The following SLC6A11 variants were observed in gnomAD, a reference collection of about 807,000 sequenced individuals.
SLC6A11 encodes the protein sodium- and chloride-dependent GABA transporter 3.
A neutral mutation model predicts 74.8 loss-of-function variants in SLC6A11; 25 were observed. That is an observed-to-expected ratio of 0.33 (90% CI 0.24 to 0.47). The LOEUF is 0.47. Among genes scored for constraint, SLC6A11 ranks in the 20% least tolerant of loss-of-function variants. SLC6A11 has a pLI of 1.00. For synonymous variants in SLC6A11, 330 were observed against 330.2 expected (o/e 1.00, Z 0.01); for missense variants, 574 against 837.0 (o/e 0.69, Z 3.88).
At chr3:10,862,131 G>C (rs1051924198) in intron 5 of SLC6A11, among the ~76,000 whole-genome samples, 3 of 152,172 alleles carry the variant, frequency 2.0e-5, no homozygotes, top group Non-Finnish European at 4.4e-5. Flanking sequence ...GCACATCCTT[G>C]CCTGGGGAAC....
chr3:10,934,533 A>G (rs1695733451), intron 12 of SLC6A11, among the ~76,000 whole-genome samples: 1 of 152,220 alleles, frequency 6.6e-6, no homozygotes. Context: ...CAAGGGTGAC[A>G]CTGGGGTTCA....
intron 7 of SLC6A11, among the ~76,000 whole-genome samples, chr3:10,913,626 A>G (rs1430538850): frequency 1.3e-5 from 2 of 152,272 alleles, no homozygotes; most frequent in African/African-American, 4.8e-5. Context: ...TATCCACAAT[A>G]TATAAAGAAT....
chr3:10,889,633 G>T (rs1695084779), intron 6 of SLC6A11, among the ~76,000 whole-genome samples: 1 of 152,196 alleles, frequency 6.6e-6, no homozygotes, highest in Non-Finnish European at 1.5e-5. Flanking sequence ...TTGGGAGCTT[G>T]TCAGACATGC....
At chr3:10,902,516 G>A (rs1051705666) in intron 6 of SLC6A11, among the ~76,000 whole-genome samples, 4 of 152,154 alleles carry the variant, frequency 2.6e-5, no homozygotes, top group Non-Finnish European at 4.4e-5. Context: ...CAGATTAAAG[G>A]GATGGTACCA....
chr3:10,918,487 G>A lies in SLC6A11; in HGVS notation c.1120+34G>A, dbSNP rs1182195664. On this transcript the variant is annotated intron_variant, in intron 8 of 13. Coordinates refer to ENST00000254488, the MANE Select transcript of SLC6A11 (RefSeq NM_014229.3). This position sits in a 1 kb window ranked among gnomAD's most constrained non-coding sequence, Gnocchi z 4.5. ...GCCAAAGGTGGGGATGGAAAAGGCG[G>A]CAAGGGAGGCCAGGAGTGATGGTCA... 3.8e-6 allele frequency: 6 copies of A among 1,594,470 alleles called. No homozygotes were observed. Among genetic ancestry groups the A allele is most frequent in the Non-Finnish European group, 5.1e-6 (6 of 1,172,196 alleles).
At chr3:10,877,424 A>G (rs1694922131) in intron 6 of SLC6A11, among the ~76,000 whole-genome samples, 1 of 152,210 alleles carries the variant, frequency 6.6e-6, no homozygotes, top group African/African-American at 2.4e-5. Context: ...GCGGGTATGC[A>G]GACTGTGTTC....
At chr3:10,919,728 C>T (rs73812338) in intron 8 of SLC6A11, among the ~76,000 whole-genome samples, 2,767 of 152,328 alleles carry the variant, frequency 0.018, 81 homozygotes, top group African/African-American at 0.063. Flanking sequence ...AGCTCTCAAT[C>T]GCTGGGCACC....
intron 8 of SLC6A11, among the ~76,000 whole-genome samples, chr3:10,921,672 T>G (rs1057049487): frequency 3.9e-5 from 6 of 151,944 alleles, no homozygotes; most frequent in African/African-American, 1.5e-4. Flanking sequence ...CCAGATACAC[T>G]AATTAAAAGG....
At chr3:10,894,716 G>A (rs1218741385) in intron 6 of SLC6A11, among the ~76,000 whole-genome samples, 3 of 152,264 alleles carry the variant, frequency 2.0e-5, no homozygotes, top group Admixed American at 6.5e-5. Context: ...CACGTCTATC[G>A]TACAGCATGG....
chr3:10,898,390 G>A (rs1402729223), intron 6 of SLC6A11, among the ~76,000 whole-genome samples: 1 of 152,140 alleles, frequency 6.6e-6, no homozygotes, highest in East Asian at 1.9e-4. Context: ...TTTATGCTCT[G>A]CTTCCCTTAC....
intron 4 of SLC6A11, among the ~76,000 whole-genome samples, chr3:10,839,086 T>A (rs1694404902): frequency 6.6e-6 from 1 of 152,164 alleles, no homozygotes. Flanking sequence ...CCTGCCACCA[T>A]CGTAAGGGCC....
chr3:10,907,578 G>A (rs972080867), intron 6 of SLC6A11, among the ~76,000 whole-genome samples: 6 of 152,202 alleles, frequency 3.9e-5, no homozygotes, highest in African/African-American at 1.2e-4. Context: ...ATTAGTCACT[G>A]TTGGACTTTA....
intron 6 of SLC6A11, among the ~76,000 whole-genome samples, chr3:10,907,592 A>C (rs1003092774): frequency 6.6e-6 from 1 of 152,240 alleles, no homozygotes; most frequent in Non-Finnish European, 1.5e-5. Flanking sequence ...GACTTTAATA[A>C]AGTGTAGAAC....
intron 5 of SLC6A11, among the ~76,000 whole-genome samples, chr3:10,846,120 A>C (rs1021279993): frequency 6.6e-6 from 1 of 152,176 alleles, no homozygotes; most frequent in African/African-American, 2.4e-5. Flanking sequence ...TGCTCAGCAG[A>C]GTGAGTAAGT....
chr3:10,864,497 T>C (rs1694741037), intron 5 of SLC6A11, among the ~76,000 whole-genome samples: 1 of 152,004 alleles, frequency 6.6e-6, no homozygotes, highest in African/African-American at 2.4e-5. Flanking sequence ...GTTGGAGATA[T>C]TCGTTGACCT....
At chr3:10,860,392 T>C (rs1343871813) in intron 5 of SLC6A11, among the ~76,000 whole-genome samples, 1 of 152,170 alleles carries the variant, frequency 6.6e-6, no homozygotes, top group Non-Finnish European at 1.5e-5. Context: ...AAAACATGTT[T>C]CTTAGAACTG....
At chr3:10,861,960 C>T (rs959427833) in intron 5 of SLC6A11, among the ~76,000 whole-genome samples, 1 of 152,160 alleles carries the variant, frequency 6.6e-6, no homozygotes, top group African/African-American at 2.4e-5. Context: ...CCTTTCAGAA[C>T]AGGGGATGCT....
At chr3:10,869,791 C>A (rs1309885655) in intron 5 of SLC6A11, among the ~76,000 whole-genome samples, 1 of 152,158 alleles carries the variant, frequency 6.6e-6, no homozygotes, top group Non-Finnish European at 1.5e-5. Flanking sequence ...ATTTTTGTAA[C>A]TGCAGCTGCA....
chr3:10,926,077 GTTC>G lies in SLC6A11; in HGVS notation c.1198_1200del (p.Phe400del). ...CTCTCTCCCCGCTGTGGGCCACCTT[GTTC>G]TTCATGATGCTCATCTTCCTGGGCC... is the stretch of plus-strand genomic sequence containing the variant. On this transcript the variant is annotated inframe_deletion, in exon 9 of 14. Coordinates refer to ENST00000254488, the MANE Select transcript of SLC6A11 (RefSeq NM_014229.3). This position sits in a 1 kb window ranked among gnomAD's most constrained non-coding sequence, Gnocchi z 5.7. The G allele has an allele frequency of 6.2e-7, 1 of 1,613,614 alleles. No homozygotes were observed. Among genetic ancestry groups the G allele is most frequent in the Non-Finnish European group, 8.5e-7 (1 of 1,179,638 alleles).
Sources: gnomAD v4.1 joint callset for allele counts (sites outside exome capture counted in the v4.1 genomes callset) on GRCh38, gnomAD v4.1.1 for gene constraint, Gnocchi (gnomAD v3.1) non-coding constraint, MANE v1.5 for transcripts, NCBI Gene and HGNC (gene_info 2026-07-23, HGNC 2026-07-21) for gene names.